Variants in GJA1 observed in about 807,000 individuals in gnomAD.
GJA1 encodes gap junction alpha-1 protein.
A neutral mutation model predicts 31.0 loss-of-function variants in GJA1; 9 were observed. The ratio of observed to expected loss-of-function variants is 0.29; its 90% CI spans 0.17 to 0.51. The LOEUF (loss-of-function observed/expected upper bound fraction) is 0.51. Among genes scored for constraint, GJA1 ranks in the 20% least tolerant of loss-of-function variants. GJA1 has a pLI of 0.98. For synonymous variants in GJA1, 186 were observed against 180.1 expected (o/e 1.03, Z -0.26); for missense variants, 278 against 468.8 (o/e 0.59, Z 3.76).
Position 121,448,927 on chromosome 6 carries a change from G to C in GJA1, c.*931G>C, listed in dbSNP as rs1239822838. 6.0e-6 allele frequency: 1 copy of C among 166,766 alleles called. No individual in the cohort carries two copies. The highest frequency in any genetic ancestry group is 1.5e-5 in the Non-Finnish European group (1 of 68,102). The allele number at this position is 166,766 out of a possible 1,614,324, so 10.3% of individuals were successfully genotyped here. On this transcript the variant is annotated 3_prime_UTR_variant, in exon 2 of 2. Coordinates refer to ENST00000282561, the MANE Select transcript of GJA1 (RefSeq NM_000165.5). ...TAATGCACATATGGTGTTCAAATTT[G>C]AACCTTTCTCATGGATTTTTGTGGT...
chr6:121,439,700 G>A (rs1773731958), intron 1 of GJA1, among the ~76,000 whole-genome samples: 1 of 152,110 alleles, frequency 6.6e-6, no homozygotes, highest in Non-Finnish European at 1.5e-5. Context: ...TTAAGTGGAT[G>A]CTAATGTAAG....
rs115461970 is a variant in GJA1, at chr6:121,441,802, C to G, written c.-16-5030C>G. ...ACCAGGCTAATGACATGAAACCTAGCAAACTGATGATGGCTGAGATCAAGC... is the reference window on the plus strand; with the variant it reads ...ACCAGGCTAATGACATGAAACCTAGGAAACTGATGATGGCTGAGATCAAGC... On this transcript the variant is annotated intron_variant, in intron 1 of 1. Coordinates refer to ENST00000282561, the MANE Select transcript of GJA1 (RefSeq NM_000165.5). Among the ~76,000 whole-genome samples the G allele has an allele frequency of 9.5e-3, 1,440 of 152,162 alleles. 31 individuals carry two copies. The highest frequency in any genetic ancestry group is 0.033 in the African/African-American group (1,386 of 41,510).
intron 1 of GJA1, among the ~76,000 whole-genome samples, 163 bp downstream of exon 1, chr6:121,435,995 T>C (rs1240955143): frequency 3.9e-5 from 6 of 152,182 alleles, no homozygotes; most frequent in Non-Finnish European, 7.4e-5. Context: ...TTAAAATTTA[T>C]TGTACCAAAT....
intron 1 of GJA1, among the ~76,000 whole-genome samples, chr6:121,437,237 C>T (rs1773683109): frequency 6.6e-6 from 1 of 152,112 alleles, no homozygotes; most frequent in Non-Finnish European, 1.5e-5. Flanking sequence ...TGCAAAGGAA[C>T]CCGGGGTGCG....
intron 1 of GJA1, among the ~76,000 whole-genome samples, chr6:121,442,181 T>C (rs546578609): frequency 1.4e-4 from 22 of 152,226 alleles, no homozygotes; most frequent in Non-Finnish European, 2.6e-4. Flanking sequence ...TAATCCTATT[T>C]ACCTTTATTT....
Position 121,447,776 on chromosome 6 carries a change from G to T in GJA1, c.929G>T (p.Trp310Leu), listed in dbSNP as rs1238874441. 1 of 1,613,854 alleles carries T rather than the reference G, an allele frequency of 6.2e-7. No homozygotes were observed. Among genetic ancestry groups the T allele is most frequent in the African/African-American group, 1.3e-5 (1 of 74,856 alleles). Residue 310 changes from tryptophan (W) to leucine (L), a missense_variant, in exon 2 of 2, where the codon TGG becomes TTG. Around this residue, in one of 3 missense-constraint regions of GJA1, gnomAD observed 172 missense variants for 190.9 expected, o/e 0.90. Transcript: ENST00000282561. Reference sequence around the variant, plus strand: ...AACAAGCAAGCAAGTGAGCAAAACTGGGCTAATTACAGTGCAGAACAAAAT... The same window carrying T: ...AACAAGCAAGCAAGTGAGCAAAACTTGGCTAATTACAGTGCAGAACAAAAT... ...NYNKQASEQN[W>L]ANYSAEQNRM... is the part of the protein sequence containing the mutation.
intron 1 of GJA1, among the ~76,000 whole-genome samples, chr6:121,437,633 T>G (rs1228485804): frequency 1.3e-5 from 2 of 152,018 alleles, no homozygotes; most frequent in Non-Finnish European, 2.9e-5. Flanking sequence ...CCTGCCCCTT[T>G]AGTGACCCAG....
Position 121,448,062 on chromosome 6 carries a change from G to T in GJA1, c.*66G>T. On this transcript the variant is annotated 3_prime_UTR_variant, in exon 2 of 2. Transcript: ENST00000282561. ...GAAGAAAAAAGGTGCTGTAGAAAGT[G>T]CACCAGGTGTTAATTTTGATCCGGT... is the stretch of plus-strand genomic sequence containing the variant. 7.1e-7 allele frequency: 1 copy of T among 1,402,560 alleles called. No individual in the cohort carries two copies. The highest frequency in any genetic ancestry group is 1.0e-6 in the Non-Finnish European group (1 of 988,376). The allele number at this position is 1,402,560 out of a possible 1,614,324, so 86.9% of individuals were successfully genotyped here. A position where few individuals can be genotyped will look rare whatever the true frequency, so the allele number is the denominator to read the frequency against.
chr6:121,448,027 C>CG lies in GJA1; in HGVS notation c.*31_*32insG. On this transcript the variant is annotated 3_prime_UTR_variant, in exon 2 of 2. Transcript: ENST00000282561. ...GGCTTGAAAGCATCAAGATTCCACTCAATTGTGGAGAAGAAAAAAGGTGCT... is the reference window on the plus strand; with the variant it reads ...GGCTTGAAAGCATCAAGATTCCACTCGAATTGTGGAGAAGAAAAAAGGTGCT... 1 of 1,580,922 alleles carries CG rather than the reference C, an allele frequency of 6.3e-7. No individual in the cohort carries two copies. The highest frequency in any genetic ancestry group is 1.7e-5 in the Admixed American group (1 of 59,954).
rs72548745 is a variant in GJA1 at position 121,448,237 on chromosome 6, G to A, written c.*241G>A. 3.0e-4 allele frequency: 169 copies of A among 572,752 alleles called. No individual in the cohort carries two copies. The highest frequency in any genetic ancestry group is 2.1e-3 in the Admixed American group (69 of 32,620). The allele number at this position is 572,752 out of a possible 1,614,324, so 35.5% of individuals were successfully genotyped here. ...TGGTATTTAAAGTAGTGGATTCAAA[G>A]AACTTAGATTATAAATAAGAGTTCC... is the stretch of plus-strand genomic sequence containing the variant. On this transcript the variant is annotated 3_prime_UTR_variant, in exon 2 of 2. Coordinates refer to ENST00000282561, the MANE Select transcript of GJA1 (RefSeq NM_000165.5).
chr6:121,439,280 A>G (rs1364519655), intron 1 of GJA1, among the ~76,000 whole-genome samples: 1 of 152,266 alleles, frequency 6.6e-6, no homozygotes. Flanking sequence ...CTGAGCTGTT[A>G]CTAAGAGCAT....
chr6:121,438,777 G>A (rs1164277424), intron 1 of GJA1, among the ~76,000 whole-genome samples: 1 of 152,178 alleles, frequency 6.6e-6, no homozygotes, highest in Non-Finnish European at 1.5e-5. Context: ...AATCTCCAGA[G>A]CATCTCTTCC....
Position 121,447,374 on chromosome 6 carries a change from T to C in GJA1, c.527T>C (p.Ile176Thr), listed in dbSNP as rs370071579. The C allele has an allele frequency of 4.3e-6, 7 of 1,613,918 alleles. No individual in the cohort carries two copies. The highest frequency in any genetic ancestry group is 5.9e-6 in the Non-Finnish European group (7 of 1,179,844). The change falls in exon 2 of 2, where the codon ATC (isoleucine) becomes ACC (threonine). Residue 176 changes from isoleucine (I) to threonine (T), a missense_variant. This residue lies in a region of GJA1 where 80 missense variants were observed against 163.5 expected (regional missense o/e 0.49). Transcript: ENST00000282561. ...EVAFLLIQWY[I>T]YGFSLSAVYT... ...GCCTTCTTGCTGATCCAGTGGTACA[T>C]CTATGGATTCAGCTTGAGTGCTGTT...
Position 121,443,189 on chromosome 6 carries a change from G to T in GJA1, c.-16-3643G>T, listed in dbSNP as rs185115719. On this transcript the variant is annotated intron_variant, in intron 1 of 1. Coordinates refer to ENST00000282561, the MANE Select transcript of GJA1 (RefSeq NM_000165.5). ...AAATGAAGATATTAAACTAGTTTGG[G>T]AAGGTGCAGCAGGGAGGAACAACCA... Among the ~76,000 whole-genome samples, 18 of 152,204 alleles carry T rather than the reference G, an allele frequency of 1.2e-4. 1 individual carries two copies. The highest frequency in any genetic ancestry group is 1.2e-3 in the Admixed American group (18 of 15,274).
rs749986251 is a variant in GJA1, at chr6:121,447,910, C to G, written c.1063C>G (p.Pro355Ala). 1.9e-6 allele frequency: 3 copies of G among 1,613,860 alleles called. No individual in the cohort carries two copies. The highest frequency in any genetic ancestry group is 2.5e-6 in the Non-Finnish European group (3 of 1,179,828). Reference sequence around the variant, plus strand: ...ACTAGCTGCTGGACATGAATTACAGCCACTAGCCATTGTGGACCAGCGACC... The same window carrying G: ...ACTAGCTGCTGGACATGAATTACAGGCACTAGCCATTGTGGACCAGCGACC... Reference protein sequence around the residue: ...KKLAAGHELQPLAIVDQRPSS... With the variant: ...KKLAAGHELQALAIVDQRPSS... Residue 355 changes from proline to alanine, a missense_variant, in exon 2 of 2, where the codon CCA becomes GCA. By Grantham distance (27) the Pro-to-Ala change is conservative. Coordinates refer to ENST00000282561, the MANE Select transcript of GJA1 (RefSeq NM_000165.5).
chr6:121,440,898 C>T (rs1163949420), intron 1 of GJA1, among the ~76,000 whole-genome samples: 4 of 150,796 alleles, frequency 2.7e-5, no homozygotes, highest in Non-Finnish European at 5.9e-5. Flanking sequence ...CCCGCCACCA[C>T]GCCTGGCTAC....
intron 1 of GJA1, among the ~76,000 whole-genome samples, chr6:121,439,131 C>A (rs911797268): frequency 6.6e-6 from 1 of 151,738 alleles, no homozygotes; most frequent in African/African-American, 2.4e-5. Context: ...GACCCCACCT[C>A]TATAAAAAAA....
At chr6:121,435,898 A>C (rs1024580667) in intron 1 of GJA1, 66 bp downstream of exon 1, 5 of 152,148 alleles carry the variant, frequency 3.3e-5, no homozygotes, top group Non-Finnish European at 5.9e-5. Flanking sequence ...AAACTTTTCT[A>C]AAGTTTTAAA....
At chr6:121,446,727 A>ACGTGAAAC (rs1230970511) in intron 1 of GJA1, 105 bp from the exon 2 acceptor site, 8 of 825,398 alleles carry the variant, frequency 9.7e-6, no homozygotes, top group South Asian at 2.8e-5. Context: ...TGTTAGAAAT[A>ACGTGAAAC]CGTGAAACCG....
Sources: allele counts gnomAD v4.1 joint callset (sites outside exome capture counted in the v4.1 genomes callset), GRCh38; gene constraint gnomAD v4.1.1; regional missense constraint gnomAD v4.1.1; transcripts MANE v1.5; gene names NCBI Gene and HGNC (gene_info 2026-07-23, HGNC 2026-07-21).